LMNA: variants seen among roughly 807,000 people sequenced by gnomAD.
LMNA encodes lamin.
A neutral mutation model predicts 70.4 loss-of-function variants in LMNA; 20 were observed. That is an observed-to-expected ratio of 0.28 (90% CI 0.20 to 0.41). The LOEUF is 0.41. Among genes scored for constraint, LMNA ranks in the 10% least tolerant of loss-of-function variants. LMNA has a pLI of 1.00. For missense variants in LMNA, 652 were observed against 917.2 expected (o/e 0.71, Z 3.73); for synonymous variants, 339 against 372.8 (o/e 0.91, Z 1.04).
intron 3 of LMNA, among the ~76,000 whole-genome samples, chr1:156,107,690 G>A (rs752669908): frequency 1.7e-4 from 26 of 152,138 alleles, no homozygotes; most frequent in Non-Finnish European, 2.8e-4. Context: ...TTCTCACCCG[G>A]CACCACCTAT....
At position 156,139,949 on chromosome 1, in the gene LMNA, C is replaced by T; in HGVS notation, c.*843C>T. On this transcript the variant is annotated 3_prime_UTR_variant, in exon 12 of 12. Transcript: ENST00000368300. ...AAAGGGGAGAGCCTGCTGGCACCCA[C>T]CGTGGAGGAGGAAGGCAAGAGGGGG... The T allele has an allele frequency of 9.7e-7, 1 of 1,032,240 alleles. No homozygotes were observed. Among genetic ancestry groups the T allele is most frequent in the South Asian group, 1.7e-5 (1 of 58,116 alleles). The allele number at this position is 1,032,240 out of a possible 1,614,324, so 63.9% of individuals were successfully genotyped here. A position where few individuals can be genotyped will look rare whatever the true frequency, so the allele number is the denominator to read the frequency against.
At chr1:156,131,705 T>C (rs1353770785) in intron 2 of LMNA, among the ~76,000 whole-genome samples, 1 of 152,220 alleles carries the variant, frequency 6.6e-6, no homozygotes, top group Non-Finnish European at 1.5e-5. Flanking sequence ...TACAAGGGCC[T>C]CCTATAGGCC....
rs530261092 is a variant in LMNA at position 156,123,687 on chromosome 1, T to G, written c.357-6930T>G. ...TTTGTGACAACACCGGAATGATTTC[T>G]AGAGAGAGAGGCCAGGAAGAAGGAA... On this transcript the variant is annotated intron_variant, in intron 1 of 11. Coordinates refer to ENST00000368300, the MANE Select transcript of LMNA (RefSeq NM_170707.4). 2.6e-5 allele frequency among the ~76,000 whole-genome samples: 4 copies of G among 152,186 alleles called. No homozygotes were observed. In the South Asian group the frequency reaches 8.3e-4, roughly 32 times the overall value.
At position 156,139,069 on chromosome 1, in the gene LMNA, T is replaced by C. The variant is rs1651904179; in HGVS notation, c.1969-11T>C. The C allele has an allele frequency of 5.0e-6, 8 of 1,613,648 alleles. No homozygotes were observed. The East Asian group carries it at 1.8e-4, about 36-fold the overall frequency. On this transcript the variant is annotated splice_polypyrimidine_tract_variant and intron_variant, in intron 11 of 11. Coordinates refer to ENST00000368300, the MANE Select transcript of LMNA (RefSeq NM_170707.4). The stretch of plus-strand genomic sequence containing the variant: ...GCTGCTCACACCTCTCTCCTCTGTT[T>C]TCTCTCTTAGAGCCCCCAGAACTGC...
At chr1:156,099,880 A>G (rs922268356) in intron 3 of LMNA, among the ~76,000 whole-genome samples, 1 of 151,804 alleles carries the variant, frequency 6.6e-6, no homozygotes, top group Non-Finnish European at 1.5e-5. Flanking sequence ...AAAAAAAAAA[A>G]AAAAAAAGAA....
chr1:156,104,079 G>A (rs1372796513), intron 3 of LMNA, among the ~76,000 whole-genome samples: 3 of 152,246 alleles, frequency 2.0e-5, no homozygotes, highest in South Asian at 2.1e-4. Context: ...CCCAAGAGAT[G>A]TCCCAGAGTA....
chr1:156,124,728 C>T (rs1650434316), intron 1 of LMNA, among the ~76,000 whole-genome samples: 1 of 151,118 alleles, frequency 6.6e-6, no homozygotes, highest in South Asian at 2.1e-4. Context: ...GTTACTTTGC[C>T]GGGTTGGGGG....
rs1170940332 is a variant in LMNA at position 156,127,509 on chromosome 1, GTTTTTTTTTTTT to G, written c.357-3092_357-3081del. On this transcript the variant is annotated intron_variant, in intron 1 of 11. Transcript: ENST00000368300. ...GGGAAAGACAAATAACCCCCTTACT[GTTTTTTTTTTTT>G]TTTTTTTTTTTTTTTGAGATGGAGT... is the stretch of plus-strand genomic sequence containing the variant. 9.5e-5 allele frequency among the ~76,000 whole-genome samples: 8 copies of G among 84,496 alleles called. No individual in the cohort carries two copies. The South Asian group carries it at 1.2e-3, about 13-fold the overall frequency. The allele number at this position is 84,496 out of a possible 152,430, so 55.4% of individuals were successfully genotyped here.
chr1:156,115,308 G>A lies in LMNA; in HGVS notation c.356+34G>A, dbSNP rs756719452. On this transcript the variant is annotated intron_variant, in intron 1 of 11. Transcript: ENST00000368300. The surrounding 1 kb of genome is among the most constrained non-coding windows in gnomAD (Gnocchi z 5.8). ...GCCCAGGTGGCTGCGTGCCTGGCGGGGAGTGGAGAGGGCGGCGGGCCGGCG... is the reference window on the plus strand; with the variant it reads ...GCCCAGGTGGCTGCGTGCCTGGCGGAGAGTGGAGAGGGCGGCGGGCCGGCG... The A allele has an allele frequency of 1.9e-6, 3 of 1,565,832 alleles. No homozygotes were observed. The highest frequency in any genetic ancestry group is 2.6e-6 in the Non-Finnish European group (3 of 1,157,902).
chr1:156,119,274 C>T (rs901752878), intron 1 of LMNA, among the ~76,000 whole-genome samples: 1 of 152,166 alleles, frequency 6.6e-6, no homozygotes. Flanking sequence ...CATGCCATCA[C>T]GCCCAGTTAA....
rs1190102807 is a variant in LMNA at position 156,139,063 on chromosome 1, T to C, written c.1969-17T>C. On this transcript the variant is annotated splice_polypyrimidine_tract_variant and intron_variant, in intron 11 of 11. Coordinates refer to ENST00000368300, the MANE Select transcript of LMNA (RefSeq NM_170707.4). ...GGCCCTGCTGCTCACACCTCTCTCC[T>C]CTGTTTTCTCTCTTAGAGCCCCCAG... 1 of 1,613,710 alleles carries C rather than the reference T, an allele frequency of 6.2e-7. No individual in the cohort carries two copies. The highest frequency in any genetic ancestry group is 2.2e-5 in the East Asian group (1 of 44,838).
intron 1 of LMNA, among the ~76,000 whole-genome samples, chr1:156,119,563 C>T (rs1650056616): frequency 6.6e-6 from 1 of 152,326 alleles, no homozygotes; most frequent in South Asian, 2.1e-4. Context: ...ACCTGGTACC[C>T]CCTGCCCCTT....
chr1:156,120,779 T>C (rs933225385), intron 1 of LMNA, among the ~76,000 whole-genome samples: 4 of 152,166 alleles, frequency 2.6e-5, no homozygotes, highest in African/African-American at 4.8e-5. Context: ...TCGATAGCCT[T>C]TGCTCCAGCC....
At chr1:156,128,284 A>G (rs1376211602) in intron 1 of LMNA, among the ~76,000 whole-genome samples, 4 of 152,126 alleles carry the variant, frequency 2.6e-5, no homozygotes, top group Admixed American at 6.6e-5. Context: ...AAGAGGTTAG[A>G]CTGAAGAAAA....
intron 3 of LMNA, among the ~76,000 whole-genome samples, chr1:156,105,662 G>C (rs1649305047): frequency 1.3e-5 from 2 of 152,238 alleles, no homozygotes; most frequent in Middle Eastern, 6.8e-3. Context: ...TCAGTTGCAC[G>C]GGCCCTTTCA....
chr1:156,136,317 C>T lies in LMNA; in HGVS notation c.1261C>T (p.Leu421=), dbSNP rs1194745110. ...GGGSVTKKRK[L]ESTESRSSFS... is the part of the protein sequence containing the mutation. Reference sequence around the variant, plus strand: ...GGGCAGCGTCACCAAAAAGCGCAAACTGGAGTCCACTGAGAGCCGCAGCAG... The same window carrying T: ...GGGCAGCGTCACCAAAAAGCGCAAATTGGAGTCCACTGAGAGCCGCAGCAG... Residue 421 remains leucine, a synonymous_variant, in exon 7 of 12, where the codon CTG becomes TTG. Coordinates refer to ENST00000368300, the MANE Select transcript of LMNA (RefSeq NM_170707.4). The surrounding 1 kb of genome is among the most constrained non-coding windows in gnomAD (Gnocchi z 6.1). 15 of 1,612,294 alleles carry T rather than the reference C, an allele frequency of 9.3e-6. No homozygotes were observed. The highest frequency in any genetic ancestry group is 1.2e-5 in the Non-Finnish European group (14 of 1,180,036).
chr1:156,134,499 C>T lies in LMNA; in HGVS notation c.610C>T (p.Leu204=). 6.2e-7 allele frequency: 1 copy of T among 1,614,164 alleles called. No homozygotes were observed. Among genetic ancestry groups the T allele is most frequent in the African/African-American group, 1.3e-5 (1 of 75,046 alleles). The part of the protein sequence containing the change: ...ENRLQTMKEE[L]DFQKNIYSEE... ...CAGGCTGCAGACCATGAAGGAGGAA[C>T]TGGACTTCCAGAAGAACATCTACAG... Residue 204 remains leucine (L), a synonymous_variant, in exon 3 of 12, where the codon CTG becomes TTG. Transcript: ENST00000368300. This position sits in a 1 kb window ranked among gnomAD's most constrained non-coding sequence, Gnocchi z 5.3.
At chr1:156,122,769 G>A (rs527310111) in intron 1 of LMNA, among the ~76,000 whole-genome samples, 1 of 152,188 alleles carries the variant, frequency 6.6e-6, no homozygotes, top group Non-Finnish European at 1.5e-5. Flanking sequence ...ACAGTGCCTG[G>A]AACCGGGGGG....
At chr1:156,129,919 G>A (rs776430165) in intron 1 of LMNA, 8 of 759,672 alleles carry the variant, frequency 1.1e-5, no homozygotes, top group Admixed American at 5.4e-5. Context: ...GTAGGGCTCA[G>A]CCTTCTCCCA....
Sources: gnomAD v4.1 joint callset for allele counts (sites outside exome capture counted in the v4.1 genomes callset) on GRCh38, gnomAD v4.1.1 for gene constraint, Gnocchi (gnomAD v3.1) non-coding constraint, MANE v1.5 for transcripts, NCBI Gene and HGNC (gene_info 2026-07-23, HGNC 2026-07-21) for gene names.